The following DLC1 variants were observed in gnomAD, a reference collection of about 807,000 sequenced individuals.
The protein encoded by DLC1 is DLC1 Rho GTPase activating protein.
DLC1 carries 54 observed loss-of-function variants against 140.3 expected under a neutral mutation model. The ratio of observed to expected loss-of-function variants is 0.38; its 90% confidence interval spans 0.31 to 0.48. DLC1 has a LOEUF of 0.48. Ranked by LOEUF, DLC1 falls within the 20% of genes least tolerant of loss-of-function variation. DLC1 has a pLI of 0.96. For missense variants in DLC1, 2,536 were observed against 1,907.0 expected (o/e 1.33, Z -6.14); for synonymous variants, 986 against 728.1 (o/e 1.35, Z -5.70).
intron 5 of DLC1, among the ~76,000 whole-genome samples, chr8:13,285,347 G>GA (rs1831501309): frequency 1.3e-5 from 2 of 152,064 alleles, no homozygotes; most frequent in South Asian, 4.1e-4. Context: ...TAACCATATG[G>GA]AAAAAAGAAA....
intron 5 of DLC1, among the ~76,000 whole-genome samples, chr8:13,238,385 C>G (rs1193575480): frequency 6.6e-6 from 1 of 152,084 alleles, no homozygotes; most frequent in East Asian, 1.9e-4. Context: ...TGGTGACGCA[C>G]ACCTGTGGTC....
upstream of DLC1, among the ~76,000 whole-genome samples, chr8:13,518,918 T>C (rs1365700249): frequency 6.6e-6 from 1 of 152,140 alleles, no homozygotes; most frequent in African/African-American, 2.4e-5. Flanking sequence ...TATCAGATTT[T>C]CTAATTTATT....
rs538113317 is a variant in DLC1 at position 13,378,335 on chromosome 8, G to A, written c.1314+15218C>T. Among the ~76,000 whole-genome samples the A allele has an allele frequency of 3.0e-4, 46 of 151,586 alleles. 1 individual carries two copies. Among genetic ancestry groups the A allele is most frequent in the African/African-American group, 1.1e-3 (44 of 41,398 alleles). On this transcript the variant is annotated intron_variant, in intron 4 of 17. Transcript: ENST00000276297. ...AAAGGCCCCACAGTTATCTAAATGC[G>A]ATAGAATTTTAAGTTAGTGATGTAT...
chr8:13,502,310 T>C (rs370024070), intron 1 of DLC1, among the ~76,000 whole-genome samples: 1 of 152,218 alleles, frequency 6.6e-6, no homozygotes, highest in Non-Finnish European at 1.5e-5. Context: ...TCATTTCTAA[T>C]CTAGGTGCTT....
chr8:13,222,675 T>A (rs1424946251), intron 5 of DLC1, among the ~76,000 whole-genome samples: 2 of 152,300 alleles, frequency 1.3e-5, no homozygotes, highest in Non-Finnish European at 1.5e-5. Flanking sequence ...CTTGTCTAGG[T>A]ACTGAGTCTT....
At chr8:13,393,785 C>G in intron 3 of DLC1, 92 bp from the exon 4 acceptor site, 1 of 1,447,170 alleles carries the variant, frequency 6.9e-7, no homozygotes, top group Non-Finnish European at 9.4e-7. Context: ...CTTCTTCTTT[C>G]TCCCAGTGCA....
At chr8:13,489,093 G>T (rs1162442667) in intron 2 of DLC1, among the ~76,000 whole-genome samples, 1 of 152,066 alleles carries the variant, frequency 6.6e-6, no homozygotes, top group Non-Finnish European at 1.5e-5. Flanking sequence ...GATTACAGGT[G>T]CATGCCACCA....
intron 2 of DLC1, among the ~76,000 whole-genome samples, chr8:13,485,271 T>C (rs1800915640): frequency 6.6e-6 from 1 of 152,230 alleles, no homozygotes; most frequent in Admixed American, 6.5e-5. Flanking sequence ...TGTAGCCATC[T>C]TTGTTAGCCA....
At chr8:13,592,171 C>T (rs2170395) in intron 1 of DLC1, among the ~76,000 whole-genome samples, 5,160 of 152,002 alleles carry the variant, frequency 0.034, 262 homozygotes, top group Admixed American at 0.12. Flanking sequence ...CTTTATTGGG[C>T]AAATGGTAAA....
At chr8:13,312,167 C>G (rs1044456564) in intron 4 of DLC1, among the ~76,000 whole-genome samples, 1 of 129,458 alleles carries the variant, frequency 7.7e-6, no homozygotes, top group African/African-American at 3.0e-5. Context: ...CGAGACCATC[C>G]TGGCTAACAC....
In DLC1 at chr8:13,327,120, ATTTTTTTTTTTTTTT is replaced by A. The variant is rs34667525; in HGVS notation, c.1315-21833_1315-21819del. Among the ~76,000 whole-genome samples the A allele has an allele frequency of 4.7e-5, 4 of 85,660 alleles. No homozygotes were observed. The East Asian group carries it at 1.1e-3, about 23-fold the overall frequency. The allele number at this position is 85,660 out of a possible 152,430, so 56.2% of individuals were successfully genotyped here. A position where few individuals can be genotyped will look rare whatever the true frequency, so the allele number is the denominator to read the frequency against. ...TAGGCGCCCGCCACCACACCCGGCTATTTTTTTTTTTTTTTTTTTTTTTTTTGTATTTTTAGCAGA... is the reference window on the plus strand; with the variant it reads ...TAGGCGCCCGCCACCACACCCGGCTATTTTTTTTTTTGTATTTTTAGCAGA... On this transcript the variant is annotated intron_variant, in intron 4 of 17. Coordinates refer to ENST00000276297, the MANE Select transcript of DLC1 (RefSeq NM_182643.3).
At chr8:13,569,550 C>A (rs369821368) in intron 1 of DLC1, among the ~76,000 whole-genome samples, 10 of 152,064 alleles carry the variant, frequency 6.6e-5, no homozygotes, top group African/African-American at 1.4e-4. Context: ...TTAGAATTCC[C>A]CCATTAAAGG....
At chr8:13,573,595 T>C (rs747073803) in intron 1 of DLC1, among the ~76,000 whole-genome samples, 19 of 152,228 alleles carry the variant, frequency 1.2e-4, no homozygotes, top group Non-Finnish European at 2.6e-4. Context: ...GGTTTTCATA[T>C]ATGGCATTTT....
At chr8:13,331,796 C>G (rs373226878) in intron 4 of DLC1, among the ~76,000 whole-genome samples, 1 of 152,248 alleles carries the variant, frequency 6.6e-6, no homozygotes, top group African/African-American at 2.4e-5. Flanking sequence ...TTCAGAAGCA[C>G]AAAAATTTTT....
At chr8:13,157,784 A>G (rs1341966536) in intron 5 of DLC1, among the ~76,000 whole-genome samples, 1 of 152,182 alleles carries the variant, frequency 6.6e-6, no homozygotes, top group Non-Finnish European at 1.5e-5. Context: ...AGCTTTTATA[A>G]TTTTTATTAC....
chr8:13,190,701 G>GA (rs1826699434), intron 5 of DLC1, among the ~76,000 whole-genome samples: 1 of 150,552 alleles, frequency 6.6e-6, no homozygotes, highest in Non-Finnish European at 1.5e-5. Context: ...TGTGGGATCA[G>GA]AAGAAGGTTT....
rs542017636 is a variant in DLC1, at chr8:13,520,395, T to A, written c.-125-20199A>T. Among the ~76,000 whole-genome samples the A allele has an allele frequency of 2.6e-5, 4 of 152,156 alleles. No homozygotes were observed. The South Asian group carries it at 8.3e-4, about 32-fold the overall frequency. ...AGATCAGAAAACCAAATACCGCATG[T>A]TCTCACCCATAAGTGGGAGTTGAAC... is the stretch of plus-strand genomic sequence containing the variant. On this transcript the variant is annotated intron_variant, in intron 1 of 1. Transcript: ENST00000631382.
chr8:13,125,633 T>C (rs1821488600), intron 5 of DLC1, among the ~76,000 whole-genome samples: 1 of 152,188 alleles, frequency 6.6e-6, no homozygotes, highest in Admixed American at 6.5e-5. Flanking sequence ...GGTTAGGCCC[T>C]TCTTGCCTAT....
At chr8:13,174,695 C>T (rs1277143497) in intron 5 of DLC1, among the ~76,000 whole-genome samples, 5 of 152,226 alleles carry the variant, frequency 3.3e-5, no homozygotes, top group Non-Finnish European at 7.4e-5. Context: ...GTCCTTTGCC[C>T]ACTTTTTACT....
Sources: allele counts gnomAD v4.1 joint callset (sites outside exome capture counted in the v4.1 genomes callset), GRCh38; gene constraint gnomAD v4.1.1; transcripts MANE v1.5; gene names NCBI Gene and HGNC (gene_info 2026-07-23, HGNC 2026-07-21).